Variants in CBFA2T3 observed in about 807,000 individuals in gnomAD.
The protein encoded by CBFA2T3 is transcriptional corepressor CBFA2T3.
A neutral mutation model predicts 58.6 loss-of-function variants in CBFA2T3; 31 were observed. The observed-to-expected ratio is 0.53, with a 90% CI of 0.40 to 0.71. The LOEUF (loss-of-function observed/expected upper bound fraction) is 0.71. CBFA2T3 is among the 30% of genes least tolerant of loss of function. CBFA2T3 has a pLI of 0.00. For synonymous variants in CBFA2T3, 531 were observed against 421.9 expected (o/e 1.26, Z -3.17); for missense variants, 1,076 against 963.1 (o/e 1.12, Z -1.55).
At chr16:88,921,029 G>A (rs1336541932) in intron 1 of CBFA2T3, among the ~76,000 whole-genome samples, 1 of 152,238 alleles carries the variant, frequency 6.6e-6, no homozygotes, top group Non-Finnish European at 1.5e-5. Flanking sequence ...TTAAACAGAT[G>A]TTTCCTCTTG....
intron 1 of CBFA2T3, chr16:88,939,644 G>A (rs796642125): frequency 4.4e-4 from 67 of 152,460 alleles, no homozygotes; most frequent in African/African-American, 1.5e-3. Context: ...TCTGGCCCCT[G>A]TGGAAGTATC....
chr16:88,962,819 G>A (rs1468505518), intron 1 of CBFA2T3, among the ~76,000 whole-genome samples: 1 of 152,224 alleles, frequency 6.6e-6, no homozygotes, highest in Non-Finnish European at 1.5e-5. Context: ...GAACCCTGGA[G>A]ATGAGGGGCG....
At chr16:88,917,348 G>A (rs924752733) in intron 1 of CBFA2T3, among the ~76,000 whole-genome samples, 73 of 152,156 alleles carry the variant, frequency 4.8e-4, no homozygotes, top group African/African-American at 1.7e-3. Flanking sequence ...GCCACCGTGG[G>A]AGGGGAGGGC....
At chr16:88,925,589 C>T (rs147854420) in intron 1 of CBFA2T3, among the ~76,000 whole-genome samples, 1 of 152,194 alleles carries the variant, frequency 6.6e-6, no homozygotes, top group Non-Finnish European at 1.5e-5. Context: ...CAGACACAGG[C>T]TCAGAGAGGC....
chr16:88,928,033 C>T (rs3809589), intron 1 of CBFA2T3, among the ~76,000 whole-genome samples: 8,048 of 152,284 alleles, frequency 0.053, 523 homozygotes, highest in African/African-American at 0.15. Context: ...CGCTGCTGAC[C>T]GAGCCCCTGG....
At chr16:88,902,094 C>T (rs1349687608) in intron 1 of CBFA2T3, among the ~76,000 whole-genome samples, 1 of 152,238 alleles carries the variant, frequency 6.6e-6, no homozygotes, top group Non-Finnish European at 1.5e-5. Context: ...CCAGAATTTG[C>T]ATTTCCGGCA....
At position 88,881,369 on chromosome 16, in the gene CBFA2T3, C is replaced by T. The variant is rs779591431; in HGVS notation, c.1324G>A (p.Glu442Lys). ...NHWARRYSDA[E>K]DTKKGPAPAA... ...GGAGCGGGGCCCTTCTTTGTGTCCT[C>T]GGCGTCGCTGTAGCGCCGCGCCCAG... The change falls in exon 9 of 12, where the codon GAG becomes AAG. Residue 442 changes from glutamate to lysine, a missense_variant. Glu to Lys is a moderately conservative substitution (Grantham distance 56). Coordinates refer to ENST00000268679, the MANE Select transcript of CBFA2T3 (RefSeq NM_005187.6). 6.9e-6 allele frequency: 11 copies of T among 1,588,204 alleles called. No individual in the cohort carries two copies. Among genetic ancestry groups the T allele is most frequent in the Middle Eastern group, 1.7e-4 (1 of 6,036 alleles).
chr16:88,963,273 G>A (rs917842813), intron 1 of CBFA2T3, among the ~76,000 whole-genome samples: 34 of 151,424 alleles, frequency 2.2e-4, no homozygotes, highest in African/African-American at 7.3e-4. Context: ...AGGGGTGGGC[G>A]CTCGTCTTCT....
chr16:88,939,642 CT>C, intron 1 of CBFA2T3: 1 of 152,484 alleles, frequency 6.6e-6, no homozygotes, highest in South Asian at 2.1e-4. Context: ...TGTCTGGCCC[CT>C]GTGGAAGTAT....
intron 1 of CBFA2T3, among the ~76,000 whole-genome samples, chr16:88,928,594 G>A (rs917785469): frequency 2.0e-5 from 3 of 152,242 alleles, no homozygotes; most frequent in East Asian, 1.9e-4. Flanking sequence ...GACCCCGGGC[G>A]CTGTCACCCG....
chr16:88,906,401 C>T (rs1254904884), intron 1 of CBFA2T3, among the ~76,000 whole-genome samples: 2 of 152,196 alleles, frequency 1.3e-5, no homozygotes, highest in African/African-American at 4.8e-5. Flanking sequence ...GCCGCATCCC[C>T]TCGTCCCCAA....
At chr16:88,938,143 AC>A (rs1350069801) in intron 1 of CBFA2T3, 1 of 152,046 alleles carries the variant, frequency 6.6e-6, no homozygotes, top group Non-Finnish European at 1.5e-5. Context: ...AAGTTCTCCC[AC>A]CCGTGCCCTG....
chr16:88,932,880 A>T (rs1231323714), intron 1 of CBFA2T3, among the ~76,000 whole-genome samples: 2 of 150,444 alleles, frequency 1.3e-5, no homozygotes, highest in Non-Finnish European at 2.9e-5. Context: ...GACGCAGGAG[A>T]ATCACTTGAA....
At chr16:88,976,132 C>T (rs1380519957) in intron 1 of CBFA2T3, among the ~76,000 whole-genome samples, 1 of 152,212 alleles carries the variant, frequency 6.6e-6, no homozygotes, top group African/African-American at 2.4e-5. Flanking sequence ...GCCCAGGTTC[C>T]CCGTAAACCC....
Position 88,963,028 on chromosome 16 carries a change from C to T in CBFA2T3, c.151+13629G>A, listed in dbSNP as rs376571504. Among the ~76,000 whole-genome samples, 569 of 152,336 alleles carry T rather than the reference C, an allele frequency of 3.7e-3. 3 individuals are homozygous for T. The highest frequency in any genetic ancestry group is 0.013 in the African/African-American group (545 of 41,582). ...GAGGTTGGGTCCAAAGCCACATCCT[C>T]AGCACCTGAGCTGCAGGGACACAGT... On this transcript the variant is annotated intron_variant, in intron 1 of 11. Coordinates refer to ENST00000268679, the MANE Select transcript of CBFA2T3 (RefSeq NM_005187.6).
chr16:88,896,337 C>T (rs1300526604), intron 3 of CBFA2T3, among the ~76,000 whole-genome samples: 3 of 152,186 alleles, frequency 2.0e-5, no homozygotes, highest in Non-Finnish European at 4.4e-5. Context: ...AGCCTGTCTG[C>T]GCCCCTGGCT....
intron 1 of CBFA2T3, among the ~76,000 whole-genome samples, chr16:88,923,008 C>A (rs962785309): frequency 6.6e-6 from 1 of 152,228 alleles, no homozygotes; most frequent in Non-Finnish European, 1.5e-5. Context: ...ACCAGCTCTA[C>A]ACGGCTCTTT....
rs1190894023 is a variant in CBFA2T3, at chr16:88,879,293, T to G, written c.1639A>C (p.Asn547His). The G allele has an allele frequency of 1.2e-6, 2 of 1,603,500 alleles. No individual in the cohort carries two copies. The highest frequency in any genetic ancestry group is 1.1e-5 in the South Asian group (1 of 90,846). Reference protein sequence around the residue: ...QASEDALTVINQQEDSSESCW... With the variant: ...QASEDALTVIHQQEDSSESCW... ...ACCTCGCTGGAGTCCTCCTGCTGGT[T>G]GATGACCGTCAGGGCGTCCTCGGAG... Residue 547 changes from asparagine to histidine, a missense_variant, in exon 11 of 12, where the codon AAC becomes CAC. Asn to His is a moderately conservative substitution (Grantham distance 68, BLOSUM62 1). Coordinates refer to ENST00000268679, the MANE Select transcript of CBFA2T3 (RefSeq NM_005187.6).
chr16:88,904,268 C>G (rs1362049848), intron 1 of CBFA2T3, among the ~76,000 whole-genome samples: 1 of 152,168 alleles, frequency 6.6e-6, no homozygotes, highest in African/African-American at 2.4e-5. Flanking sequence ...AGGCTCACTG[C>G]AGGAAGATCC....
Sources: gnomAD v4.1 joint callset for allele counts (sites outside exome capture counted in the v4.1 genomes callset) on GRCh38, gnomAD v4.1.1 for gene constraint, MANE v1.5 for transcripts, NCBI Gene and HGNC (gene_info 2026-07-23, HGNC 2026-07-21) for gene names.